MAF: variants seen among roughly 807,000 people sequenced by gnomAD.
The protein encoded by MAF is MAF bZIP transcription factor.
Under a neutral mutation model 22.0 loss-of-function variants are expected in MAF, and 10 were observed. The observed-to-expected ratio is 0.45, with a 90% CI of 0.28 to 0.77. MAF has a LOEUF of 0.77. MAF is among the 30% of genes least tolerant of loss of function. The pLI, the probability that MAF is intolerant of heterozygous loss-of-function variation, is 0.12. For missense variants in MAF, 544 were observed against 548.4 expected (o/e 0.99, Z 0.08); for synonymous variants, 337 against 255.8 (o/e 1.32, Z -3.03).
the MAF span, among the ~76,000 whole-genome samples, chr16:79,354,933 G>A: frequency 6.6e-6 from 1 of 152,062 alleles, no homozygotes; most frequent in Non-Finnish European, 1.5e-5. Context: ...AAATAAGTGG[G>A]AGAGAGAACC....
the MAF span, among the ~76,000 whole-genome samples, chr16:79,460,309 C>G: frequency 3.3e-5 from 5 of 152,122 alleles, no homozygotes; most frequent in African/African-American, 1.2e-4. Flanking sequence ...ATCTCATGTA[C>G]GTTTGTCTAT....
At chr16:79,246,168 G>A in the MAF span, among the ~76,000 whole-genome samples, 6 of 151,936 alleles carry the variant, frequency 3.9e-5, no homozygotes, top group Admixed American at 1.3e-4. Flanking sequence ...GAACAAACCT[G>A]CACATTCTGC....
At chr16:79,380,051 A>C in the MAF span, among the ~76,000 whole-genome samples, 1 of 152,186 alleles carries the variant, frequency 6.6e-6, no homozygotes, top group African/African-American at 2.4e-5. Flanking sequence ...GGCAAACAAC[A>C]GGTTTGGCAT....
At chr16:79,486,262 T>C in the MAF span, among the ~76,000 whole-genome samples, 39 of 152,244 alleles carry the variant, frequency 2.6e-4, no homozygotes, top group Middle Eastern at 3.4e-3. Flanking sequence ...AATTAGTAGC[T>C]GCAGAATGAG....
the MAF span, among the ~76,000 whole-genome samples, chr16:79,542,458 G>A: frequency 4.6e-5 from 7 of 152,308 alleles, no homozygotes; most frequent in Non-Finnish European, 8.8e-5. Flanking sequence ...AGTGGCCCCA[G>A]GGACATGGCC....
the MAF span, among the ~76,000 whole-genome samples, chr16:79,293,759 A>T: frequency 6.6e-6 from 1 of 152,106 alleles, no homozygotes; most frequent in Non-Finnish European, 1.5e-5. Context: ...TTATCAGAGC[A>T]TCCCATTGTT....
the MAF span, among the ~76,000 whole-genome samples, chr16:79,267,227 C>G: frequency 6.6e-6 from 1 of 152,208 alleles, no homozygotes; most frequent in Non-Finnish European, 1.5e-5. Context: ...GATGAAGCAG[C>G]TGCCATCTTG....
the MAF span, among the ~76,000 whole-genome samples, chr16:79,457,619 T>C: frequency 1.3e-5 from 2 of 152,188 alleles, no homozygotes; most frequent in African/African-American, 4.8e-5. Flanking sequence ...TGTGTACATA[T>C]ACATTTGTAT....
the MAF span, among the ~76,000 whole-genome samples, chr16:79,278,098 T>G: frequency 6.6e-6 from 1 of 152,196 alleles, no homozygotes; most frequent in Non-Finnish European, 1.5e-5. Flanking sequence ...ACAAGTTTGC[T>G]TCTTTCCTTT....
chr16:79,268,968 A>C, the MAF span, among the ~76,000 whole-genome samples: 1 of 152,210 alleles, frequency 6.6e-6, no homozygotes, highest in Non-Finnish European at 1.5e-5. Flanking sequence ...TGTGAGAATT[A>C]AGAGATAAAA....
chr16:79,235,166 T>C, the MAF span, among the ~76,000 whole-genome samples: 2 of 152,012 alleles, frequency 1.3e-5, no homozygotes, highest in Non-Finnish European at 2.9e-5. Context: ...AAGTGGCATA[T>C]CCAGAATTTA....
At chr16:79,417,996 G>A in the MAF span, among the ~76,000 whole-genome samples, 4 of 152,032 alleles carry the variant, frequency 2.6e-5, no homozygotes, top group South Asian at 4.1e-4. Context: ...CTCCTGCGCG[G>A]GTCTGGCCTT....
chr16:79,482,468 G>A, the MAF span, among the ~76,000 whole-genome samples: 6 of 152,274 alleles, frequency 3.9e-5, no homozygotes, highest in South Asian at 4.1e-4. Context: ...GATGCCAAGT[G>A]ATGCTATCAA....
the MAF span, among the ~76,000 whole-genome samples, chr16:79,437,012 C>G: frequency 6.6e-6 from 1 of 152,190 alleles, no homozygotes; most frequent in Non-Finnish European, 1.5e-5. Flanking sequence ...GAGTCACAAG[C>G]AGGGCTTTCA....
the MAF span, among the ~76,000 whole-genome samples, chr16:79,408,249 T>C: frequency 6.6e-6 from 1 of 152,110 alleles, no homozygotes; most frequent in African/African-American, 2.4e-5. Context: ...GGATCTCGGC[T>C]TGCTGCAACT....
chr16:79,330,391 G>C, the MAF span, among the ~76,000 whole-genome samples: 3 of 152,208 alleles, frequency 2.0e-5, no homozygotes, highest in Admixed American at 6.5e-5. Flanking sequence ...AATTTTGTTA[G>C]CAATCCAAAC....
At chr16:79,368,741 G>A in the MAF span, among the ~76,000 whole-genome samples, 9 of 152,132 alleles carry the variant, frequency 5.9e-5, no homozygotes, top group Admixed American at 2.6e-4. Context: ...CTCCTGCCTC[G>A]GGACTTTTGC....
the MAF span, among the ~76,000 whole-genome samples, chr16:79,215,286 T>G: frequency 6.6e-6 from 1 of 152,076 alleles, no homozygotes; most frequent in Non-Finnish European, 1.5e-5. Context: ...CTTGCTATGT[T>G]GACCAGGCTA....
At chr16:79,575,669 CA>C in the MAF span, among the ~76,000 whole-genome samples, 1 of 152,108 alleles carries the variant, frequency 6.6e-6, no homozygotes, top group Non-Finnish European at 1.5e-5. Flanking sequence ...AGCAGATGTG[CA>C]AAAAGAGAAA....
Sources: allele counts gnomAD v4.1 joint callset (sites outside exome capture counted in the v4.1 genomes callset), GRCh38; gene constraint gnomAD v4.1.1; transcripts MANE v1.5; gene names NCBI Gene and HGNC (gene_info 2026-07-23, HGNC 2026-07-21).